The following SGCE variants were observed in gnomAD, a reference collection of about 807,000 sequenced individuals.
The protein encoded by SGCE is epsilon-sarcoglycan.
A neutral mutation model predicts 57.8 loss-of-function variants in SGCE; 26 were observed. That is an observed-to-expected ratio of 0.45 (90% CI 0.33 to 0.62). The LOEUF (loss-of-function observed/expected upper bound fraction) is 0.62. Ranked by LOEUF, SGCE falls within the 20% of genes least tolerant of loss-of-function variation. The pLI, the probability that SGCE is intolerant of heterozygous loss-of-function variation, is 0.02. For missense variants in SGCE, 468 were observed against 548.6 expected (o/e 0.85, Z 1.47); for synonymous variants, 183 against 189.5 (o/e 0.97, Z 0.28).
chr7:94,585,606 GTT>G, intron 10 of SGCE, 91 bp from the exon 11 acceptor site: 1 of 837,390 alleles, frequency 1.2e-6, no homozygotes, highest in Admixed American at 1.7e-5. Flanking sequence ...CAAGGAGAAA[GTT>G]TCCATCTTCT....
rs71123905 is a variant in SGCE at position 94,601,443 on chromosome 7, C to CAAAAAAAAAAAAAAAAAAA, written c.826-605_826-587dup. 6.7e-5 allele frequency among the ~76,000 whole-genome samples: 6 copies of CAAAAAAAAAAAAAAAAAAA among 89,336 alleles called. 1 individual carries two copies. Among genetic ancestry groups the CAAAAAAAAAAAAAAAAAAA allele is most frequent in the African/African-American group, 1.7e-4 (3 of 17,312 alleles). The allele number at this position is 89,336 out of a possible 152,430, so 58.6% of individuals were successfully genotyped here. Reference sequence around the variant, plus strand: ...GTCTTACTTAATTCTATCCCAGTATCAAAAAAAAAAAAAAAAAAAAAAAAA... The same window carrying CAAAAAAAAAAAAAAAAAAA: ...GTCTTACTTAATTCTATCCCAGTATCAAAAAAAAAAAAAAAAAAAAAAAAAAAAAAAAAAAAAAAAAAAA... On this transcript the variant is annotated intron_variant, in intron 6 of 10. Transcript: ENST00000648936.
chr7:94,595,233 C>T (rs1186889077), intron 9 of SGCE, among the ~76,000 whole-genome samples: 2 of 152,126 alleles, frequency 1.3e-5, no homozygotes, highest in Admixed American at 6.5e-5. Flanking sequence ...ATAATGGTGG[C>T]AGCCATTCAT....
chr7:94,619,220 G>T, intron 4 of SGCE: 1 of 311,716 alleles, frequency 3.2e-6, no homozygotes, highest in Non-Finnish European at 5.9e-6. Flanking sequence ...ATAGAATTTG[G>T]CAAAACAACT....
At chr7:94,605,869 C>T (rs1444278238) in intron 5 of SGCE, among the ~76,000 whole-genome samples, 2 of 151,912 alleles carry the variant, frequency 1.3e-5, no homozygotes, top group Middle Eastern at 3.4e-3. Context: ...ACAGTCTCGC[C>T]CTGTCACCCA....
intron 6 of SGCE, among the ~76,000 whole-genome samples, chr7:94,601,466 A>C (rs1032172034): frequency 8.4e-6 from 1 of 118,412 alleles, no homozygotes; most frequent in Non-Finnish European, 2.0e-5. Context: ...AAAAAAAAAA[A>C]AAAAAAAAAA....
intron 1 of SGCE, among the ~76,000 whole-genome samples, chr7:94,655,025 A>G (rs1403752173): frequency 1.3e-5 from 2 of 152,306 alleles, no homozygotes; most frequent in African/African-American, 4.8e-5. Context: ...AGCCACTGCA[A>G]TTTTCCCTGA....
intron 3 of SGCE, chr7:94,624,105 A>C (rs1803290277): frequency 7.6e-6 from 3 of 392,508 alleles, no homozygotes; most frequent in Non-Finnish European, 1.3e-5. Context: ...TTCAAAACTT[A>C]AGGCCTATTT....
intron 1 of SGCE, among the ~76,000 whole-genome samples, chr7:94,654,408 C>T (rs1377520703): frequency 6.6e-6 from 1 of 152,056 alleles, no homozygotes; most frequent in African/African-American, 2.4e-5. Context: ...CGAATTTAAA[C>T]AAACAAACAA....
chr7:94,599,115 A>G (rs1584523551), intron 8 of SGCE, 152 bp from the exon 9 acceptor site: 2 of 602,340 alleles, frequency 3.3e-6, no homozygotes, highest in Non-Finnish European at 5.8e-6. Flanking sequence ...TCAGAAAGGC[A>G]TACATCTCAC....
chr7:94,613,216 G>T (rs905537347), intron 5 of SGCE, among the ~76,000 whole-genome samples: 1 of 152,170 alleles, frequency 6.6e-6, no homozygotes, highest in South Asian at 2.1e-4. Context: ...TTCTTTTGTA[G>T]AATCACTAAG....
chr7:94,592,050 A>C (rs180920961), intron 9 of SGCE, among the ~76,000 whole-genome samples: 311 of 152,310 alleles, frequency 2.0e-3, no homozygotes, highest in South Asian at 2.7e-3. Context: ...ACATCCCCTG[A>C]TTGGGTACAA....
chr7:94,593,183 T>G (rs1382538463), intron 9 of SGCE, among the ~76,000 whole-genome samples: 1 of 152,162 alleles, frequency 6.6e-6, no homozygotes, highest in Non-Finnish European at 1.5e-5. Context: ...ATTAGAAGAC[T>G]TAATTCTACT....
intron 1 of SGCE, among the ~76,000 whole-genome samples, chr7:94,655,215 G>C (rs533930230): frequency 1.3e-5 from 2 of 152,224 alleles, no homozygotes; most frequent in East Asian, 1.9e-4. Context: ...CCTCGTAATC[G>C]CCACCAAAAG....
At chr7:94,624,267 G>A in intron 3 of SGCE, 2 of 397,458 alleles carry the variant, frequency 5.0e-6, no homozygotes. Context: ...AAAAGAGTAG[G>A]ATAAAACTGA....
At chr7:94,646,280 C>A (rs1445393039) in intron 1 of SGCE, among the ~76,000 whole-genome samples, 1 of 152,198 alleles carries the variant, frequency 6.6e-6, no homozygotes, top group East Asian at 1.9e-4. Context: ...GAGCAAGACT[C>A]AACTGCATTA....
chr7:94,599,887 G>A, intron 7 of SGCE, 164 bp from the exon 8 acceptor site: 2 of 618,688 alleles, frequency 3.2e-6, no homozygotes, highest in South Asian at 2.0e-5. Context: ...GCTTGGATGA[G>A]TACACATACA....
intron 1 of SGCE, among the ~76,000 whole-genome samples, chr7:94,636,636 A>G (rs906754376): frequency 6.6e-6 from 1 of 152,212 alleles, no homozygotes; most frequent in African/African-American, 2.4e-5. Flanking sequence ...TCCATAGTCC[A>G]TATCTGGAGT....
chr7:94,655,927 G>A (rs370579836), intron 1 of SGCE, 63 bp downstream of exon 1: 3 of 1,079,346 alleles, frequency 2.8e-6, no homozygotes, highest in Admixed American at 1.8e-5. Flanking sequence ...GAACCCGAGC[G>A]GGGGAGGGGG....
intron 1 of SGCE, among the ~76,000 whole-genome samples, chr7:94,650,939 C>T (rs1184645279): frequency 1.3e-5 from 2 of 152,194 alleles, no homozygotes; most frequent in African/African-American, 4.8e-5. Flanking sequence ...ATGGACTGCT[C>T]TGGAAGTTGT....
Sources: gnomAD v4.1 joint callset for allele counts (sites outside exome capture counted in the v4.1 genomes callset) on GRCh38, gnomAD v4.1.1 for gene constraint, MANE v1.5 for transcripts, NCBI Gene and HGNC (gene_info 2026-07-23, HGNC 2026-07-21) for gene names.